Variants in RANBP2 observed in about 807,000 individuals in gnomAD.
RANBP2 encodes E3 SUMO-protein ligase RanBP2.
Under a neutral mutation model 303.6 loss-of-function variants are expected in RANBP2, and 57 were observed. That is an observed-to-expected ratio of 0.19 (90% CI 0.15 to 0.23). The LOEUF is 0.23. RANBP2 is among the 10% of genes least tolerant of loss of function. RANBP2 has a pLI of 1.00. For missense variants in RANBP2, 3,138 were observed against 3,780.8 expected (o/e 0.83, Z 4.46); for synonymous variants, 1,167 against 1,301.5 (o/e 0.90, Z 2.23).
chr2:108,942,035 A>G, the RANBP2 span, among the ~76,000 whole-genome samples: 1 of 152,228 alleles, frequency 6.6e-6, no homozygotes, highest in Non-Finnish European at 1.5e-5. Flanking sequence ...CAGGTGCCTC[A>G]GAGAAAGTTC....
chr2:108,944,649 G>A, the RANBP2 span, among the ~76,000 whole-genome samples: 1 of 152,134 alleles, frequency 6.6e-6, no homozygotes, highest in Non-Finnish European at 1.5e-5. Context: ...TGGGGGATAG[G>A]GTGGGCAAAG....
chr2:109,339,456 C>G, the RANBP2 span, among the ~76,000 whole-genome samples: 1 of 152,132 alleles, frequency 6.6e-6, no homozygotes, highest in Non-Finnish European at 1.5e-5. Flanking sequence ...ATCCAGGTCC[C>G]CAGTGCAAGG....
chr2:109,380,430 T>C, the RANBP2 span, among the ~76,000 whole-genome samples: 3 of 152,132 alleles, frequency 2.0e-5, no homozygotes, highest in African/African-American at 4.8e-5. Context: ...TGCAATGTTA[T>C]TGGGTTGTGG....
chr2:109,613,259 GTTCT>G, the RANBP2 span: 2 of 1,078,696 alleles, frequency 1.9e-6, no homozygotes, highest in South Asian at 2.8e-5. Context: ...GAACAAACGC[GTTCT>G]TTTAGAGTAC....
At chr2:109,387,813 T>C in the RANBP2 span, among the ~76,000 whole-genome samples, 1 of 152,094 alleles carries the variant, frequency 6.6e-6, no homozygotes, top group Non-Finnish European at 1.5e-5. Flanking sequence ...CTGCAGTAGG[T>C]GCCCAATTCC....
the RANBP2 span, among the ~76,000 whole-genome samples, chr2:109,401,609 G>A: frequency 2.6e-5 from 4 of 152,296 alleles, no homozygotes; most frequent in South Asian, 8.3e-4. Flanking sequence ...AGCCCACAGG[G>A]CCCATGACTT....
chr2:109,083,974 G>C, the RANBP2 span, among the ~76,000 whole-genome samples: 7 of 152,236 alleles, frequency 4.6e-5, no homozygotes, highest in South Asian at 1.5e-3. Context: ...GGTCTCCAGC[G>C]AGATCATGAT....
chr2:109,523,695 C>T, the RANBP2 span, among the ~76,000 whole-genome samples: 1 of 152,270 alleles, frequency 6.6e-6, no homozygotes, highest in East Asian at 1.9e-4. Context: ...ACACCCAAGC[C>T]CTATCTGCCC....
At chr2:108,774,092 A>G (rs1573838030) in intron 23 of RANBP2, among the ~76,000 whole-genome samples, 1 of 152,258 alleles carries the variant, frequency 6.6e-6, no homozygotes, top group East Asian at 1.9e-4. Flanking sequence ...AACTATTGAT[A>G]CAATCGTGAT....
chr2:109,212,447 C>G, the RANBP2 span, among the ~76,000 whole-genome samples: 1 of 152,184 alleles, frequency 6.6e-6, no homozygotes, highest in Non-Finnish European at 1.5e-5. Context: ...ATACAAAAGT[C>G]TCAAAATGAA....
chr2:109,149,793 G>A, the RANBP2 span, among the ~76,000 whole-genome samples: 1 of 152,256 alleles, frequency 6.6e-6, no homozygotes, highest in Non-Finnish European at 1.5e-5. Context: ...CTACAGTGGA[G>A]ATGCTTTGTA....
chr2:109,595,992 C>T, the RANBP2 span, among the ~76,000 whole-genome samples: 2 of 152,122 alleles, frequency 1.3e-5, no homozygotes, highest in African/African-American at 4.8e-5. Flanking sequence ...TTCACTGAGG[C>T]TATATTATTT....
At chr2:108,968,291 TCAA>T in the RANBP2 span, among the ~76,000 whole-genome samples, 23 of 152,320 alleles carry the variant, frequency 1.5e-4, no homozygotes, top group Admixed American at 7.2e-4. Flanking sequence ...CAGACATACT[TCAA>T]CATTTAAGAT....
the RANBP2 span, among the ~76,000 whole-genome samples, chr2:109,220,216 TATTCTTATGCAAAACAATGA>T: frequency 6.6e-6 from 1 of 152,218 alleles, no homozygotes; most frequent in Non-Finnish European, 1.5e-5. Flanking sequence ...GAAAACTGGA[TATTCTTATGCAAAACAATGA>T]AGTCAGACCT....
chr2:109,218,412 T>A, the RANBP2 span, among the ~76,000 whole-genome samples: 1 of 152,162 alleles, frequency 6.6e-6, no homozygotes, highest in Non-Finnish European at 1.5e-5. Context: ...AGTCTTTGAG[T>A]GAAAATGTTA....
chr2:109,694,486 C>A, the RANBP2 span, among the ~76,000 whole-genome samples: 1 of 151,130 alleles, frequency 6.6e-6, no homozygotes, highest in African/African-American at 2.4e-5. Flanking sequence ...TCACTGCAAC[C>A]TCTACCTCCC....
the RANBP2 span, among the ~76,000 whole-genome samples, chr2:109,517,988 G>A: frequency 1.3e-5 from 2 of 152,208 alleles, no homozygotes; most frequent in Non-Finnish European, 2.9e-5. Context: ...AGACGTGGAT[G>A]AAAACAAGTG....
At chr2:109,128,490 G>C in the RANBP2 span, 1 of 152,164 alleles carries the variant, frequency 6.6e-6, no homozygotes, top group African/African-American at 2.4e-5. Context: ...GGCTGCGCCG[G>C]GAGGAGTCGG....
At chr2:109,098,281 G>A in the RANBP2 span, among the ~76,000 whole-genome samples, 256 of 152,290 alleles carry the variant, frequency 1.7e-3, no homozygotes, top group African/African-American at 5.7e-3. Context: ...AGCAGTCCAC[G>A]CTGAAAATCA....
Sources: gnomAD v4.1 joint callset for allele counts (sites outside exome capture counted in the v4.1 genomes callset) on GRCh38, gnomAD v4.1.1 for gene constraint, MANE v1.5 for transcripts, NCBI Gene and HGNC (gene_info 2026-07-23, HGNC 2026-07-21) for gene names.